The following PGM5 variants were observed in gnomAD, a reference collection of about 807,000 sequenced individuals.
PGM5 encodes phosphoglucomutase 5, also known as phosphoglucomutase-like protein 5.
PGM5 carries 23 observed loss-of-function variants against 59.2 expected under a neutral mutation model. The observed-to-expected ratio is 0.39, with a 90% CI of 0.28 to 0.55. The LOEUF (loss-of-function observed/expected upper bound fraction) is 0.55, where lower values mean the gene tolerates loss of function less well. Ranked by LOEUF, PGM5 falls within the 20% of genes least tolerant of loss-of-function variation. PGM5 has a pLI of 0.66. For synonymous variants in PGM5, 214 were observed against 286.0 expected (o/e 0.75, Z 2.54); for missense variants, 574 against 748.3 (o/e 0.77, Z 2.72).
At chr9:68,431,417 G>A (rs1353951699) in intron 6 of PGM5, among the ~76,000 whole-genome samples, 1 of 152,194 alleles carries the variant, frequency 6.6e-6, no homozygotes, top group East Asian at 1.9e-4. Flanking sequence ...GGGAAGTGGA[G>A]GCCTTGAGGG....
At chr9:68,473,448 A>G (rs1824054305) in intron 7 of PGM5, among the ~76,000 whole-genome samples, 1 of 152,186 alleles carries the variant, frequency 6.6e-6, no homozygotes, top group Admixed American at 6.5e-5. Flanking sequence ...TTTGGAGCCA[A>G]ATTGCCCAGC....
intron 6 of PGM5, among the ~76,000 whole-genome samples, chr9:68,425,805 T>C (rs1236004653): frequency 6.6e-6 from 1 of 152,204 alleles, no homozygotes; most frequent in Non-Finnish European, 1.5e-5. Context: ...TTGACTTTCA[T>C]TGTAAGTAAA....
At chr9:68,498,970 G>C (rs1293100192) in intron 9 of PGM5, 5 of 414,004 alleles carry the variant, frequency 1.2e-5, no homozygotes, top group Non-Finnish European at 2.2e-5. Flanking sequence ...AAGAGAACTT[G>C]AGTATCTGTT....
At chr9:68,520,272 CT>C (rs1368477822) in intron 10 of PGM5, among the ~76,000 whole-genome samples, 16 of 151,486 alleles carry the variant, frequency 1.1e-4, no homozygotes, top group African/African-American at 3.9e-4. Flanking sequence ...TAAAGAGAGA[CT>C]CTTCAAACTG....
chr9:68,468,879 A>G (rs1823979275), intron 7 of PGM5, among the ~76,000 whole-genome samples: 1 of 152,174 alleles, frequency 6.6e-6, no homozygotes. Flanking sequence ...ACTGATTTTC[A>G]TATCCTAAAG....
At chr9:68,409,056 C>A (rs545020982) in intron 6 of PGM5, among the ~76,000 whole-genome samples, 1 of 152,012 alleles carries the variant, frequency 6.6e-6, no homozygotes, top group Non-Finnish European at 1.5e-5. Flanking sequence ...CTTGGCGATG[C>A]GGGCTCTTTT....
intron 7 of PGM5, among the ~76,000 whole-genome samples, chr9:68,470,878 G>A (rs1214571472): frequency 2.0e-5 from 3 of 152,166 alleles, no homozygotes; most frequent in African/African-American, 7.2e-5. Context: ...AATCTAGGCT[G>A]GGCCAGAGCA....
At chr9:68,398,871 C>T (rs1822584957) in intron 6 of PGM5, among the ~76,000 whole-genome samples, 3 of 152,164 alleles carry the variant, frequency 2.0e-5, no homozygotes, top group Admixed American at 2.0e-4. Flanking sequence ...TAATCATACT[C>T]ATCGTTGAAC....
At chr9:68,399,402 C>T (rs1822607232) in intron 6 of PGM5, 2 of 152,230 alleles carry the variant, frequency 1.3e-5, no homozygotes, top group African/African-American at 4.8e-5. Flanking sequence ...GAATGCCCAT[C>T]TCTTGCCTGC....
At chr9:68,390,446 A>T (rs1695816785) in intron 4 of PGM5, among the ~76,000 whole-genome samples, 1 of 152,110 alleles carries the variant, frequency 6.6e-6, no homozygotes, top group Non-Finnish European at 1.5e-5. Flanking sequence ...GGGAGGTGGG[A>T]TTTAGCCATA....
intron 6 of PGM5, among the ~76,000 whole-genome samples, chr9:68,400,370 T>A (rs782672858): frequency 3.9e-5 from 6 of 152,138 alleles, no homozygotes; most frequent in Non-Finnish European, 7.4e-5. Flanking sequence ...TTTCCCAAAT[T>A]TGATGCCCTC....
intron 9 of PGM5, chr9:68,497,227 T>TA (rs1200992855): frequency 1.3e-5 from 2 of 152,226 alleles, no homozygotes; most frequent in African/African-American, 4.8e-5. Context: ...CTGTTCGTTG[T>TA]AAAAAATTAC....
intron 8 of PGM5, among the ~76,000 whole-genome samples, chr9:68,480,711 A>G (rs1218873799): frequency 6.6e-6 from 1 of 151,604 alleles, no homozygotes; most frequent in Non-Finnish European, 1.5e-5. Flanking sequence ...AAAAAAAAAC[A>G]AAACAAAACA....
At chr9:68,377,715 CA>C (rs1298731090) in intron 1 of PGM5, among the ~76,000 whole-genome samples, 2 of 152,272 alleles carry the variant, frequency 1.3e-5, no homozygotes, top group Non-Finnish European at 2.9e-5. Flanking sequence ...CTGAAGATTA[CA>C]GTTAAAATAT....
intron 10 of PGM5, among the ~76,000 whole-genome samples, chr9:68,506,794 T>C (rs782202109): frequency 1.2e-4 from 18 of 152,140 alleles, no homozygotes; most frequent in Non-Finnish European, 2.4e-4. Flanking sequence ...CAAAGATTTT[T>C]GTATATGTAT....
At chr9:68,459,167 A>T (rs1823822093) in intron 6 of PGM5, among the ~76,000 whole-genome samples, 1 of 152,218 alleles carries the variant, frequency 6.6e-6, no homozygotes, top group Non-Finnish European at 1.5e-5. Context: ...GCACTTAGTC[A>T]TAAACACTGC....
At chr9:68,432,849 C>T (rs917430972) in intron 6 of PGM5, among the ~76,000 whole-genome samples, 6 of 152,140 alleles carry the variant, frequency 3.9e-5, no homozygotes, top group South Asian at 4.1e-4. Context: ...TCAGGTGATC[C>T]GCCTGCCTTG....
intron 6 of PGM5, chr9:68,399,111 A>G (rs544851306): frequency 2.0e-5 from 3 of 152,202 alleles, no homozygotes; most frequent in Non-Finnish European, 4.4e-5. Context: ...CCACACTTTA[A>G]GATCCTCTTG....
chr9:68,444,976 G>A (rs1226626452), intron 6 of PGM5, among the ~76,000 whole-genome samples: 2 of 152,170 alleles, frequency 1.3e-5, no homozygotes, highest in East Asian at 3.9e-4. Flanking sequence ...CAGTTACTCT[G>A]CCTGGAGCTT....
Sources: gnomAD v4.1 joint callset for allele counts (sites outside exome capture counted in the v4.1 genomes callset) on GRCh38, gnomAD v4.1.1 for gene constraint, MANE v1.5 for transcripts, NCBI Gene and HGNC (gene_info 2026-07-23, HGNC 2026-07-21) for gene names.